SMPX: variants seen among roughly 807,000 people sequenced by gnomAD.
SMPX encodes small muscle protein X-linked.
Under a neutral mutation model 6.3 loss-of-function variants are expected in SMPX, and 2 were observed. The observed-to-expected ratio is 0.32, with a 90% CI of 0.13 to 0.99. The LOEUF (loss-of-function observed/expected upper bound fraction) is 0.99. Among genes scored for constraint, SMPX ranks in the 50% least tolerant of loss-of-function variants. The pLI, the probability that SMPX is intolerant of heterozygous loss-of-function variation, is 0.49. For synonymous variants in SMPX, 32 were observed against 24.7 expected (o/e 1.30, Z -0.88); for missense variants, 60 against 66.8 (o/e 0.90, Z 0.36).
chrX:21,733,382 A>G (rs1397506032), intron 4 of SMPX, among the ~76,000 whole-genome samples: 3 of 112,453 alleles, frequency 2.7e-5, no homozygotes, highest in African/African-American at 9.7e-5. Flanking sequence ...GATTAATTCC[A>G]TAGATTCTCA....
At chrX:21,716,175 A>G (rs1434801844) in intron 4 of SMPX, among the ~76,000 whole-genome samples, 1 of 112,571 alleles carries the variant, frequency 8.9e-6, no homozygotes, top group Non-Finnish European at 1.9e-5. Flanking sequence ...TCACAGTGTT[A>G]TCTAACCACA....
At chrX:21,716,234 GC>G (rs1304504159) in intron 4 of SMPX, among the ~76,000 whole-genome samples, 1 of 111,988 alleles carries the variant, frequency 8.9e-6, no homozygotes, top group African/African-American at 3.2e-5. Context: ...GCCTCTTTAA[GC>G]AACTTTGAAA....
At chrX:21,737,817 G>C (rs1318951647) in intron 3 of SMPX, 120 bp from the exon 4 acceptor site, 3 of 670,344 alleles carry the variant, frequency 4.5e-6, no homozygotes, top group Non-Finnish European at 7.0e-6. Context: ...GATTCTAGCA[G>C]AGTGACTGTC....
At chrX:21,707,559 A>T (rs2092774337) in intron 4 of SMPX, among the ~76,000 whole-genome samples, 1 of 112,187 alleles carries the variant, frequency 8.9e-6, no homozygotes. Context: ...CCCTACTACC[A>T]TGTAACTTTG....
At chrX:21,719,760 A>G (rs1205131461) in intron 4 of SMPX, among the ~76,000 whole-genome samples, 1 of 111,670 alleles carries the variant, frequency 9.0e-6, no homozygotes, top group Admixed American at 9.5e-5. Flanking sequence ...TGAAGAAAAG[A>G]CTTTCCTCAG....
In SMPX at chrX:21,728,214, TTCTCTCTCTCTCTCTCTCTCTCTC is replaced by T. The variant is rs61469484; in HGVS notation, c.*14+9311_*14+9334del. ...TTCCCCTCCTCTCCCTTCCCCTCCT[TTCTCTCTCTCTCTCTCTCTCTCTC>T]TCTCTCTCTCTCTCTCTCTCTCTCT... On this transcript the variant is annotated intron_variant, in intron 4 of 4. Transcript: ENST00000379494. Among the ~76,000 whole-genome samples, 144 of 48,296 alleles carry T rather than the reference TTCTCTCTCTCTCTCTCTCTCTCTC, an allele frequency of 3.0e-3. 1 individual carries two copies. Among genetic ancestry groups the T allele is most frequent in the Middle Eastern group, 0.025 (2 of 80 alleles). The allele number at this position is 48,296 out of a possible 115,157, so 41.9% of individuals were successfully genotyped here.
At chrX:21,733,671 C>A (rs1437410672) in intron 4 of SMPX, 1 of 321,236 alleles carries the variant, frequency 3.1e-6, no homozygotes, top group East Asian at 1.0e-4. Context: ...CTAATCATTT[C>A]TTTTTCTTGT....
chrX:21,726,888 C>T (rs986041195), intron 4 of SMPX, among the ~76,000 whole-genome samples: 4 of 112,505 alleles, frequency 3.6e-5, no homozygotes, highest in African/African-American at 6.5e-5. Flanking sequence ...CACTTCTCTT[C>T]CACATTTCTT....
At chrX:21,718,784 C>T (rs1465303897) in intron 4 of SMPX, among the ~76,000 whole-genome samples, 1 of 111,758 alleles carries the variant, frequency 8.9e-6, no homozygotes, top group African/African-American at 3.3e-5. Flanking sequence ...GGAGTGGGCC[C>T]CATTAGACAA....
intron 4 of SMPX, among the ~76,000 whole-genome samples, chrX:21,732,626 G>A (rs1400371261): frequency 8.9e-6 from 1 of 112,229 alleles, no homozygotes; most frequent in Non-Finnish European, 1.9e-5. Context: ...CTATGCGATA[G>A]CATCATAAGG....
intron 1 of SMPX, among the ~76,000 whole-genome samples, chrX:21,756,093 C>G (rs772358061): frequency 8.9e-6 from 1 of 111,976 alleles, no homozygotes; most frequent in African/African-American, 3.2e-5. Context: ...AGAAGTCATA[C>G]AAAGCAATAA....
chrX:21,711,414 T>A (rs1009541581), intron 4 of SMPX, among the ~76,000 whole-genome samples: 14 of 111,967 alleles, frequency 1.3e-4, no homozygotes, highest in Non-Finnish European at 2.6e-4. Flanking sequence ...GGGACATTTG[T>A]GAGAATGATG....
intron 3 of SMPX, among the ~76,000 whole-genome samples, chrX:21,738,435 C>T: frequency 9.1e-6 from 1 of 110,415 alleles, no homozygotes; most frequent in South Asian, 4.0e-4. Context: ...ACATCAGTTG[C>T]TGTGTGTGGC....
At chrX:21,726,559 A>G (rs1321898904) in intron 4 of SMPX, among the ~76,000 whole-genome samples, 3 of 111,800 alleles carry the variant, frequency 2.7e-5, no homozygotes, top group Non-Finnish European at 5.6e-5. Context: ...GCAGAACTTT[A>G]GATATACACA....
chrX:21,710,816 C>T (rs1399213150), intron 4 of SMPX, among the ~76,000 whole-genome samples: 1 of 111,557 alleles, frequency 9.0e-6, no homozygotes, highest in Admixed American at 9.5e-5. Context: ...GGTGGCAGTA[C>T]CAGTTTTGAG....
intron 4 of SMPX, among the ~76,000 whole-genome samples, chrX:21,715,301 TGTGC>T (rs1443695173): frequency 6.4e-4 from 56 of 87,612 alleles, no homozygotes; most frequent in Middle Eastern, 0.012. Context: ...TGTGTGTGTG[TGTGC>T]GCGCACGCGC....
At chrX:21,713,055 G>T (rs769844605) in intron 4 of SMPX, among the ~76,000 whole-genome samples, 22 of 112,445 alleles carry the variant, frequency 2.0e-4, no homozygotes, top group Non-Finnish European at 3.2e-4. Flanking sequence ...TCACCTTAAA[G>T]CTGATTGATT....
rs138719475 is a variant in SMPX at position 21,730,601 on chromosome X, G to A, written c.*14+6948C>T. Among the ~76,000 whole-genome samples the A allele has an allele frequency of 2.6e-3, 291 of 111,761 alleles. 1 individual carries two copies. The highest frequency in any genetic ancestry group is 8.9e-3 in the African/African-American group (273 of 30,813). ...AAACAAGAAAATAGAGGCATAGAGC[G>A]CAAAGTTGCAAACGTAGAAGGAAAT... On this transcript the variant is annotated intron_variant, in intron 4 of 4. Transcript: ENST00000379494.
At chrX:21,744,752 T>C (rs937245962) in intron 2 of SMPX, among the ~76,000 whole-genome samples, 1 of 112,546 alleles carries the variant, frequency 8.9e-6, no homozygotes. Context: ...GCCTTATGAG[T>C]AATTGGATAT....
Sources: gnomAD v4.1 joint callset for allele counts (sites outside exome capture counted in the v4.1 genomes callset) on GRCh38, gnomAD v4.1.1 for gene constraint, MANE v1.5 for transcripts, NCBI Gene and HGNC (gene_info 2026-07-23, HGNC 2026-07-21) for gene names.